Variants in TASP1 observed in about 807,000 individuals in gnomAD.
TASP1 encodes the protein threonine aspartase 1.
A neutral mutation model predicts 56.6 loss-of-function variants in TASP1; 16 were observed. That is an observed-to-expected ratio of 0.28 (90% confidence interval 0.19 to 0.43). The LOEUF is 0.43. TASP1 is among the 20% of genes least tolerant of loss of function. TASP1 has a pLI of 1.00. For synonymous variants in TASP1, 179 were observed against 184.2 expected (o/e 0.97, Z 0.23); for missense variants, 393 against 511.6 (o/e 0.77, Z 2.24).
At chr20:13,159,145 T>C in the TASP1 span, among the ~76,000 whole-genome samples, 157 of 152,332 alleles carry the variant, frequency 1.0e-3, no homozygotes, top group Non-Finnish European at 1.9e-3. Context: ...ATTCTAGAAT[T>C]GTTACAGAGA....
chr20:13,320,330 G>C, the TASP1 span, among the ~76,000 whole-genome samples: 1 of 152,160 alleles, frequency 6.6e-6, no homozygotes, highest in African/African-American at 2.4e-5. Context: ...CATTAGCTTT[G>C]TACTAGAGGA....
intron 12 of TASP1, among the ~76,000 whole-genome samples, chr20:13,425,324 C>T (rs2042583066): frequency 6.6e-6 from 1 of 152,212 alleles, no homozygotes; most frequent in South Asian, 2.1e-4. Flanking sequence ...ATCCACATAT[C>T]ATCCTGTTTA....
At chr20:13,165,230 A>C in the TASP1 span, 45 of 185,588 alleles carry the variant, frequency 2.4e-4, no homozygotes, top group Non-Finnish European at 4.1e-4. Flanking sequence ...ATTTTTATTC[A>C]GTAAGTTCAC....
intron 4 of TASP1, chr20:13,614,847 A>G (rs954609667): frequency 1.1e-5 from 5 of 470,108 alleles, no homozygotes; most frequent in African/African-American, 2.0e-5. Context: ...GTTAGCACAC[A>G]CAGTACCTGA....
At chr20:13,378,654 G>C in the TASP1 span, among the ~76,000 whole-genome samples, 1 of 152,120 alleles carries the variant, frequency 6.6e-6, no homozygotes, top group East Asian at 1.9e-4. Flanking sequence ...TCGTTGATCT[G>C]TCTGATATTG....
chr20:13,441,286 C>T (rs575192556), intron 11 of TASP1, among the ~76,000 whole-genome samples: 2 of 152,328 alleles, frequency 1.3e-5, no homozygotes, highest in South Asian at 4.1e-4. Context: ...AGTGCCAGGA[C>T]TCTTCCAGGC....
At chr20:13,480,581 T>G (rs1160267360) in intron 11 of TASP1, among the ~76,000 whole-genome samples, 1 of 152,300 alleles carries the variant, frequency 6.6e-6, no homozygotes, top group African/African-American at 2.4e-5. Flanking sequence ...GATGAAATAC[T>G]GCAGATCAAC....
At chr20:13,271,563 T>C in the TASP1 span, among the ~76,000 whole-genome samples, 1 of 152,218 alleles carries the variant, frequency 6.6e-6, no homozygotes, top group Non-Finnish European at 1.5e-5. Context: ...AAGTTACTGT[T>C]TGGTTTACCC....
chr20:13,401,837 C>T (rs774090618), intron 13 of TASP1, among the ~76,000 whole-genome samples: 3 of 152,122 alleles, frequency 2.0e-5, no homozygotes, highest in African/African-American at 7.2e-5. Flanking sequence ...GAGCAAACAG[C>T]AGGCATGAGT....
At chr20:13,288,788 T>C in the TASP1 span, 4 of 1,238,352 alleles carry the variant, frequency 3.2e-6, no homozygotes, top group Admixed American at 9.5e-5. Flanking sequence ...CTACTTTTCT[T>C]TTCTTTTTTT....
rs1183924174 is a variant in TASP1 at position 13,435,075 on chromosome 20, A to C, written c.1065T>G (p.Pro355=). 1 of 1,611,354 alleles carries C rather than the reference A, an allele frequency of 6.2e-7. No individual in the cohort carries two copies. Among genetic ancestry groups the C allele is most frequent in the East Asian group, 2.2e-5 (1 of 44,696 alleles). Residue 355 remains proline, a synonymous_variant, in exon 12 of 14, where the codon CCT becomes CCG. Coordinates refer to ENST00000337743, the MANE Select transcript of TASP1 (RefSeq NM_017714.3). ...GTGTCTGCTTATTTTGGGAGGAGTC[A>C]GGCTCGGCAGAACATCTGCATGAAC... ...VLRSCRCSAE[P]DSSQNKQTLL...
At chr20:13,351,567 C>T in the TASP1 span, among the ~76,000 whole-genome samples, 4 of 152,120 alleles carry the variant, frequency 2.6e-5, no homozygotes, top group East Asian at 7.7e-4. Flanking sequence ...TCCATTTATA[C>T]AACGTTCTTG....
intron 13 of TASP1, among the ~76,000 whole-genome samples, chr20:13,398,527 A>C (rs2123631632): frequency 6.6e-6 from 1 of 152,328 alleles, no homozygotes; most frequent in East Asian, 1.9e-4. Context: ...ACTCTGTCAA[A>C]GTTAGTTCAT....
At chr20:13,255,299 A>T in the TASP1 span, among the ~76,000 whole-genome samples, 1 of 152,236 alleles carries the variant, frequency 6.6e-6, no homozygotes, top group South Asian at 2.1e-4. Context: ...TTTTGTTGTT[A>T]GCAAGTAATA....
the TASP1 span, among the ~76,000 whole-genome samples, chr20:13,271,532 G>A: frequency 0.073 from 11,149 of 152,196 alleles, 454 homozygotes; most frequent in Admixed American, 0.093. Context: ...AATACTATTG[G>A]TAATGCACCA....
intron 11 of TASP1, among the ~76,000 whole-genome samples, chr20:13,458,843 A>G (rs73901180): frequency 6.6e-6 from 1 of 152,270 alleles, no homozygotes; most frequent in African/African-American, 2.4e-5. Context: ...ACATTAGTAC[A>G]TGTGGGTTCA....
the TASP1 span, among the ~76,000 whole-genome samples, chr20:13,304,209 G>A: frequency 6.6e-6 from 1 of 152,160 alleles, no homozygotes; most frequent in Non-Finnish European, 1.5e-5. Context: ...CTTCTGCAAG[G>A]GAGACTGGGA....
Position 13,576,399 on chromosome 20 carries a change from C to A in TASP1, c.488+4498G>T, listed in dbSNP as rs187290461. On this transcript the variant is annotated intron_variant, in intron 6 of 13. Transcript: ENST00000337743. ...AAAGAAAGAAAGAAAGAAAGAAAGT[C>A]AGTCTTATGGAATCTATAAAAATGG... is the stretch of plus-strand genomic sequence containing the variant. Among the ~76,000 whole-genome samples the A allele has an allele frequency of 4.6e-4, 64 of 138,104 alleles. No homozygotes were observed. The East Asian group carries it at 6.7e-3, about 14-fold the overall frequency. 90.6% of individuals were successfully genotyped at this position (138,104 alleles called of 152,430 possible).
In TASP1 at chr20:13,483,311, T is replaced by C. The variant is rs748683668; in HGVS notation, c.901A>G (p.Ile301Val). 6.3e-7 allele frequency: 1 copy of C among 1,595,248 alleles called. No homozygotes were observed. Among genetic ancestry groups the C allele is most frequent in the South Asian group, 1.1e-5 (1 of 88,068 alleles). The change falls in exon 11 of 14, where the codon ATA (isoleucine) becomes GTA (valine). Residue 301 changes from isoleucine to valine, a missense_variant. Transcript: ENST00000337743. ...GCATGTGAACATTCTCTAGCCAGTATGGTGCGCACAAGATGCTCTCCACAT... is the reference window on the plus strand; with the variant it reads ...GCATGTGAACATTCTCTAGCCAGTACGGTGCGCACAAGATGCTCTCCACAT... The part of the protein sequence containing the change: ...SGCGEHLVRT[I>V]LARECSHALQ...
Sources: allele counts gnomAD v4.1 joint callset (sites outside exome capture counted in the v4.1 genomes callset), GRCh38; gene constraint gnomAD v4.1.1; transcripts MANE v1.5; gene names NCBI Gene and HGNC (gene_info 2026-07-23, HGNC 2026-07-21).